Variants in PHLDB2 observed in about 807,000 individuals in gnomAD.
PHLDB2 encodes pleckstrin homology-like domain family B member 2.
PHLDB2 carries 71 observed loss-of-function variants against 123.6 expected under a neutral mutation model. The ratio of observed to expected loss-of-function variants is 0.57; its 90% CI spans 0.47 to 0.70. PHLDB2 has a LOEUF of 0.70. Ranked by LOEUF, PHLDB2 falls within the 30% of genes least tolerant of loss-of-function variation. The probability of loss-of-function intolerance (pLI) is 0.00; values close to 1 mark genes in which losing one functional copy is unlikely to be tolerated. For missense variants in PHLDB2, 1,446 were observed against 1,519.5 expected, an observed-to-expected ratio of 0.95 and a Z score of 0.80; for synonymous variants, 547 against 541.6, an observed-to-expected ratio of 1.01 and a Z score of -0.14.
intron 1 of PHLDB2, among the ~76,000 whole-genome samples, chr3:111,797,470 C>G (rs9840340): frequency 0.43 from 64,999 of 152,028 alleles, 15,465 homozygotes; most frequent in African/African-American, 0.64. Context: ...CAGAATTTTT[C>G]CTTCATATTC....
At chr3:111,826,752 G>A (rs1185830501) in intron 1 of PHLDB2, among the ~76,000 whole-genome samples, 1 of 151,952 alleles carries the variant, frequency 6.6e-6, no homozygotes, top group Non-Finnish European at 1.5e-5. Flanking sequence ...TCATGTGGTG[G>A]TGGCGTGGGA....
chr3:111,915,359 G>C (rs1265268528), intron 3 of PHLDB2: 1 of 152,194 alleles, frequency 6.6e-6, no homozygotes, highest in Non-Finnish European at 1.5e-5. Flanking sequence ...TCTACCTAGT[G>C]AGTTTTTCCA....
intron 1 of PHLDB2, among the ~76,000 whole-genome samples, chr3:111,795,759 C>T (rs1344912206): frequency 6.6e-6 from 1 of 152,072 alleles, no homozygotes; most frequent in Admixed American, 6.5e-5. Context: ...GAGTCTTGCT[C>T]CGTCACCCAG....
chr3:111,946,409 A>C (rs965978250), intron 9 of PHLDB2, among the ~76,000 whole-genome samples: 6 of 152,174 alleles, frequency 3.9e-5, no homozygotes, highest in Non-Finnish European at 8.8e-5. Flanking sequence ...ATCAAAAAAA[A>C]CCCTTTAGAC....
intron 5 of PHLDB2, among the ~76,000 whole-genome samples, chr3:111,924,605 T>G (rs1440552632): frequency 6.6e-6 from 1 of 152,248 alleles, no homozygotes. Flanking sequence ...AAGTGGCCTT[T>G]CCCCTTAGGG....
In PHLDB2 at chr3:111,951,728, AT is replaced by A. The variant is rs561420071; in HGVS notation, c.2632-837del. On this transcript the variant is annotated intron_variant, in intron 10 of 17. Transcript: ENST00000431670. ...ATGTTTCAAATATATTTCAGCAAAA[AT>A]TTTTTTGAGCTCATTTTTGTGTTTT... Among the ~76,000 whole-genome samples, 176 of 152,056 alleles carry A rather than the reference AT, an allele frequency of 1.2e-3. 1 individual carries two copies. Among genetic ancestry groups the A allele is most frequent in the African/African-American group, 3.9e-3 (163 of 41,486 alleles).
At chr3:111,756,548 A>G (rs1462155453) in intron 1 of PHLDB2, among the ~76,000 whole-genome samples, 2 of 152,168 alleles carry the variant, frequency 1.3e-5, no homozygotes, top group Non-Finnish European at 2.9e-5. Context: ...GTGTCTCTGC[A>G]CGTGAGATGG....
intron 10 of PHLDB2, chr3:111,949,910 T>A: frequency 2.0e-6 from 2 of 981,574 alleles, no homozygotes; most frequent in Non-Finnish European, 2.4e-6. Flanking sequence ...AACTGGAATT[T>A]AGAGTTTGGG....
intron 1 of PHLDB2, among the ~76,000 whole-genome samples, chr3:111,803,740 C>T (rs2061466963): frequency 6.6e-6 from 1 of 152,258 alleles, no homozygotes; most frequent in African/African-American, 2.4e-5. Flanking sequence ...CGTTACTTCC[C>T]TCAGCTATAA....
At chr3:111,807,104 A>G (rs984060994) in intron 1 of PHLDB2, among the ~76,000 whole-genome samples, 2 of 151,632 alleles carry the variant, frequency 1.3e-5, no homozygotes, top group African/African-American at 4.9e-5. Context: ...ATAGGAAAAA[A>G]ATAAACCTGG....
intron 1 of PHLDB2, among the ~76,000 whole-genome samples, chr3:111,758,307 G>T (rs898627729): frequency 1.3e-5 from 2 of 152,214 alleles, no homozygotes; most frequent in African/African-American, 2.4e-5. Context: ...CCTGGGCAAT[G>T]GTGGGTGCCC....
intron 1 of PHLDB2, among the ~76,000 whole-genome samples, chr3:111,804,142 A>G (rs1270576494): frequency 6.6e-6 from 1 of 152,216 alleles, no homozygotes; most frequent in Non-Finnish European, 1.5e-5. Context: ...TGTGAACTGT[A>G]TATAGGTATA....
At chr3:111,882,754 TG>T (rs1301884473) in intron 1 of PHLDB2, among the ~76,000 whole-genome samples, 1 of 152,200 alleles carries the variant, frequency 6.6e-6, no homozygotes, top group Non-Finnish European at 1.5e-5. Context: ...TGCCTGAATT[TG>T]CTCACAAAGT....
At chr3:111,971,687 G>T (rs1040706174) in intron 16 of PHLDB2, among the ~76,000 whole-genome samples, 1 of 152,030 alleles carries the variant, frequency 6.6e-6, no homozygotes, top group Non-Finnish European at 1.5e-5. Context: ...AGACCAGTCC[G>T]CAGGCAGTCA....
chr3:111,870,105 G>C (rs1413108122), intron 1 of PHLDB2, among the ~76,000 whole-genome samples: 1 of 152,156 alleles, frequency 6.6e-6, no homozygotes, highest in Non-Finnish European at 1.5e-5. Context: ...AGAGTTTAAA[G>C]GAACAGAGGT....
chr3:111,909,373 A>G (rs1333045120), intron 2 of PHLDB2, among the ~76,000 whole-genome samples: 1 of 152,026 alleles, frequency 6.6e-6, no homozygotes, highest in Non-Finnish European at 1.5e-5. Flanking sequence ...TGAGAGGAAG[A>G]TTGCTTGAGT....
At chr3:111,783,620 T>A (rs1378949026) in intron 1 of PHLDB2, among the ~76,000 whole-genome samples, 1 of 152,032 alleles carries the variant, frequency 6.6e-6, no homozygotes, top group Non-Finnish European at 1.5e-5. Context: ...GAGAAACAGG[T>A]TGAAGATAAA....
At chr3:111,918,266 ACT>A (rs1201119340) in intron 3 of PHLDB2, among the ~76,000 whole-genome samples, 1 of 152,046 alleles carries the variant, frequency 6.6e-6, no homozygotes, top group African/African-American at 2.4e-5. Context: ...GTAACTATGC[ACT>A]CTCTCACTTG....
chr3:111,841,608 G>T (rs1297587860), intron 1 of PHLDB2, among the ~76,000 whole-genome samples: 2 of 152,134 alleles, frequency 1.3e-5, no homozygotes, highest in Admixed American at 6.6e-5. Context: ...GTTTTCTCTG[G>T]GTTGGGCTCT....
Sources: allele counts gnomAD v4.1 joint callset (sites outside exome capture counted in the v4.1 genomes callset), GRCh38; gene constraint gnomAD v4.1.1; transcripts MANE v1.5; gene names NCBI Gene and HGNC (gene_info 2026-07-23, HGNC 2026-07-21).